Variants in LATS2 observed in about 807,000 individuals in gnomAD.
LATS2 encodes the protein serine/threonine-protein kinase LATS2.
LATS2 carries 24 observed loss-of-function variants against 76.0 expected under a neutral mutation model. The observed-to-expected ratio is 0.32, with a 90% CI of 0.23 to 0.44. The LOEUF (loss-of-function observed/expected upper bound fraction) is 0.44, where lower values mean the gene tolerates loss of function less well. Ranked by LOEUF, LATS2 falls within the 20% of genes least tolerant of loss-of-function variation. The pLI, the probability that LATS2 is intolerant of heterozygous loss-of-function variation, is 1.00. For missense variants in LATS2, 1,286 were observed against 1,481.2 expected, an observed-to-expected ratio of 0.87 and a Z score of 2.16; for synonymous variants, 692 against 635.4, an observed-to-expected ratio of 1.09 and a Z score of -1.34.
At chr13:21,004,001 C>T (rs1261133918) in intron 2 of LATS2, among the ~76,000 whole-genome samples, 1 of 152,232 alleles carries the variant, frequency 6.6e-6, no homozygotes, top group Non-Finnish European at 1.5e-5. Flanking sequence ...GTGTGCTAAA[C>T]TCTTAGCTAT....
At chr13:21,023,323 C>T (rs190227451) in intron 2 of LATS2, among the ~76,000 whole-genome samples, 2 of 151,950 alleles carry the variant, frequency 1.3e-5, no homozygotes, top group African/African-American at 4.8e-5. Flanking sequence ...GCCTCAGTCT[C>T]CTGACACACT....
At chr13:21,009,367 A>C (rs1027194163) in intron 2 of LATS2, among the ~76,000 whole-genome samples, 3 of 152,140 alleles carry the variant, frequency 2.0e-5, no homozygotes, top group Admixed American at 6.5e-5. Flanking sequence ...CTCTCCTCTC[A>C]GAAGCTTTGC....
rs373075270 is a variant in LATS2 at position 21,016,288 on chromosome 13, A to G, written c.343-24884T>C. 1.6e-3 allele frequency among the ~76,000 whole-genome samples: 230 copies of G among 143,672 alleles called. 1 individual carries two copies. The highest frequency in any genetic ancestry group is 5.4e-3 in the African/African-American group (205 of 38,064). 94.3% of individuals were successfully genotyped at this position (143,672 alleles called of 152,430 possible). ...AGGCATGAGACAGCGTACCCGGCCT[A>G]TTTTTATTTTTTTTGAGACAGACTC... On this transcript the variant is annotated intron_variant, in intron 2 of 7. Transcript: ENST00000382592.
At chr13:20,989,444 C>G in intron 3 of LATS2, 140 bp from the exon 4 acceptor site, 1 of 848,422 alleles carries the variant, frequency 1.2e-6, no homozygotes, top group South Asian at 1.6e-5. Flanking sequence ...TGCATTCTGC[C>G]CAGCACAGGG....
At chr13:20,984,603 G>A (rs189518662) in intron 4 of LATS2, among the ~76,000 whole-genome samples, 2 of 152,140 alleles carry the variant, frequency 1.3e-5, no homozygotes, top group East Asian at 3.9e-4. Flanking sequence ...AAAAAATCTA[G>A]GAGTAAATTT....
At chr13:21,022,636 T>G (rs1784488914) in intron 2 of LATS2, among the ~76,000 whole-genome samples, 1 of 152,068 alleles carries the variant, frequency 6.6e-6, no homozygotes, top group African/African-American at 2.4e-5. Context: ...ATTGTCAGAG[T>G]GCTTTTAGGA....
chr13:20,995,206 A>G (rs9552321), intron 2 of LATS2, among the ~76,000 whole-genome samples: 11,744 of 151,612 alleles, frequency 0.077, 946 homozygotes, highest in East Asian at 0.41. Flanking sequence ...TGTTTCTGGG[A>G]AAAAAAAACA....
rs756133873 is a variant in LATS2, at chr13:20,991,323, G to T, written c.424C>A (p.Leu142Met). The T allele has an allele frequency of 6.2e-7, 1 of 1,614,164 alleles. No homozygotes were observed. Among genetic ancestry groups the T allele is most frequent in the Non-Finnish European group, 8.5e-7 (1 of 1,180,030 alleles). ...ALEYISKMGY[L>M]DPRNEQIVRV... ...ACAATCTGCTCATTCCTCGGGTCCAGGTAGCCCATCTTGCTGATGTACTCC... is the reference window on the plus strand; with the variant it reads ...ACAATCTGCTCATTCCTCGGGTCCATGTAGCCCATCTTGCTGATGTACTCC... The change falls in exon 3 of 8, where the codon CTG becomes ATG. Residue 142 changes from leucine to methionine, a missense_variant. By Grantham distance (15) the Leu-to-Met change is conservative. Coordinates refer to ENST00000382592, the MANE Select transcript of LATS2 (RefSeq NM_014572.3). This position sits in a 1 kb window ranked among gnomAD's most constrained non-coding sequence, Gnocchi z 4.9.
intron 5 of LATS2, 76 bp downstream of exon 5, chr13:20,983,148 G>A: frequency 1.0e-6 from 1 of 979,600 alleles, no homozygotes; most frequent in East Asian, 2.4e-5. Context: ...CCACTAGGAT[G>A]GGAAATTTAG....
At chr13:21,030,801 T>C (rs1466138799) in intron 2 of LATS2, among the ~76,000 whole-genome samples, 2 of 152,200 alleles carry the variant, frequency 1.3e-5, no homozygotes, top group Non-Finnish European at 2.9e-5. Flanking sequence ...TTTATACTTA[T>C]TGATATCTAC....
chr13:20,990,546 C>T (rs934994352), intron 3 of LATS2, among the ~76,000 whole-genome samples: 1 of 148,572 alleles, frequency 6.7e-6, no homozygotes, highest in Admixed American at 6.8e-5. Flanking sequence ...TGCCTCCATC[C>T]TCTGGCCTCA....
intron 2 of LATS2, among the ~76,000 whole-genome samples, chr13:21,007,760 A>ATATATATATTTTTTTTTTT (rs1271169637): frequency 2.2e-4 from 1 of 4,558 alleles, no homozygotes; most frequent in Non-Finnish European, 3.3e-4. Context: ...ATATATATAT[A>ATATATATATTTTTTTTTTT]TTTTTTTTTT....
At chr13:21,042,254 CTT>C (rs567195689) in intron 2 of LATS2, among the ~76,000 whole-genome samples, 58 of 152,062 alleles carry the variant, frequency 3.8e-4, no homozygotes, top group Non-Finnish European at 7.9e-4. Flanking sequence ...ACCCTTGAGT[CTT>C]TTACTTTTTC....
At chr13:20,985,551 T>G (rs1384831064) in intron 4 of LATS2, among the ~76,000 whole-genome samples, 1 of 148,488 alleles carries the variant, frequency 6.7e-6, no homozygotes, top group Non-Finnish European at 1.5e-5. Flanking sequence ...CCAGCCTGAC[T>G]AACATGGTGA....
chr13:20,994,222 C>T (rs1038655343), intron 2 of LATS2, among the ~76,000 whole-genome samples: 2 of 152,260 alleles, frequency 1.3e-5, no homozygotes, highest in Middle Eastern at 3.4e-3. Context: ...AAAAGTGAAC[C>T]GTACTCATGA....
At chr13:21,023,646 T>TAAAAAAAAAAAAAAAAA (rs1169391710) in intron 2 of LATS2, among the ~76,000 whole-genome samples, 1 of 70,052 alleles carries the variant, frequency 1.4e-5, no homozygotes, top group African/African-American at 7.5e-5. Flanking sequence ...TGACTGGCTT[T>TAAAAAAAAAAAAAAAAA]AAAAAAAAAA....
intron 2 of LATS2, among the ~76,000 whole-genome samples, chr13:21,016,853 C>T (rs542501805): frequency 1.1e-4 from 16 of 152,352 alleles, no homozygotes; most frequent in African/African-American, 3.6e-4. Context: ...CTCTTTATCA[C>T]GGCAGAGTCC....
At position 21,008,456 on chromosome 13, in the gene LATS2, C is replaced by T. The variant is rs369935029; in HGVS notation, c.343-17052G>A. Among the ~76,000 whole-genome samples the T allele has an allele frequency of 1.4e-3, 218 of 152,226 alleles. 1 individual carries two copies. The highest frequency in any genetic ancestry group is 4.6e-3 in the African/African-American group (192 of 41,536). On this transcript the variant is annotated intron_variant, in intron 2 of 7. Coordinates refer to ENST00000382592, the MANE Select transcript of LATS2 (RefSeq NM_014572.3). The stretch of plus-strand genomic sequence containing the variant: ...GTGTGGTCCCTCCTTCTCATAATAA[C>T]GCTAAATGTAGGTATTTATGTTTCA...
At position 20,991,891 on chromosome 13, in the gene LATS2, T is replaced by C. The variant is rs1050539836; in HGVS notation, c.343-487A>G. Among the ~76,000 whole-genome samples, 1 of 152,160 alleles carries C rather than the reference T, an allele frequency of 6.6e-6. No individual in the cohort carries two copies. ...AGTCATATATTACACGCCTACTGTT[T>C]ACAATGCCCCATGCTGGCTATAGCA... On this transcript the variant is annotated intron_variant, in intron 2 of 7. Transcript: ENST00000382592. This position sits in a 1 kb window ranked among gnomAD's most constrained non-coding sequence, Gnocchi z 4.9.
Sources: allele counts gnomAD v4.1 joint callset (sites outside exome capture counted in the v4.1 genomes callset), GRCh38; gene constraint gnomAD v4.1.1; non-coding constraint Gnocchi (gnomAD v3.1); transcripts MANE v1.5; gene names NCBI Gene and HGNC (gene_info 2026-07-23, HGNC 2026-07-21).